The following MAP3K7CL variants were observed in gnomAD, a reference collection of about 807,000 sequenced individuals.
MAP3K7CL encodes the protein MAP3K7 C-terminal-like protein.
A neutral mutation model predicts 18.6 loss-of-function variants in MAP3K7CL; 16 were observed. The observed-to-expected ratio is 0.86, with a 90% CI of 0.58 to 1.31. The LOEUF is 1.31. Ranked by LOEUF, MAP3K7CL falls within the 50% of genes most tolerant of loss-of-function variation. MAP3K7CL has a pLI of 0.00. For missense variants in MAP3K7CL, 163 were observed against 174.4 expected, an observed-to-expected ratio of 0.93 and a Z score of 0.37; for synonymous variants, 65 against 66.8, an observed-to-expected ratio of 0.97 and a Z score of 0.13.
At chr21:29,168,009 A>G (rs1234668661) in intron 4 of MAP3K7CL, among the ~76,000 whole-genome samples, 5 of 152,054 alleles carry the variant, frequency 3.3e-5, no homozygotes, top group African/African-American at 9.7e-5. Context: ...AGAAGGACCA[A>G]TTTTATCCCT....
intron 3 of MAP3K7CL, among the ~76,000 whole-genome samples, chr21:29,157,896 G>A (rs1019713349): frequency 2.0e-5 from 3 of 152,086 alleles, no homozygotes; most frequent in South Asian, 2.1e-4. Flanking sequence ...CCCTTTACAC[G>A]GCTGCTCTCT....
At chr21:29,101,679 A>G (rs2086233100) in intron 4 of MAP3K7CL, among the ~76,000 whole-genome samples, 1 of 152,192 alleles carries the variant, frequency 6.6e-6, no homozygotes, top group Non-Finnish European at 1.5e-5. Flanking sequence ...AAGTGCTGGG[A>G]TTACAGGCTT....
intron 4 of MAP3K7CL, among the ~76,000 whole-genome samples, chr21:29,169,913 G>C (rs2087781971): frequency 6.6e-6 from 1 of 152,160 alleles, no homozygotes; most frequent in Non-Finnish European, 1.5e-5. Context: ...TTAGGCTATT[G>C]AATGGCGTCA....
At chr21:29,109,044 A>G in intron 4 of MAP3K7CL, 3 of 1,531,558 alleles carry the variant, frequency 2.0e-6, no homozygotes, top group Non-Finnish European at 2.6e-6. Context: ...TACTAGGTTG[A>G]CATTCGTAAC....
At chr21:29,084,811 T>C (rs1294352521), upstream of MAP3K7CL, among the ~76,000 whole-genome samples, 1 of 152,218 alleles carries the variant, frequency 6.6e-6, no homozygotes, top group East Asian at 1.9e-4. Context: ...TTCCCTGACA[T>C]CATCACACAG....
chr21:29,133,793 C>T lies in MAP3K7CL; in HGVS notation c.70+379C>T, dbSNP rs527586020. Reference sequence around the variant, plus strand: ...TAGGTAATATGAAAATATCACTGTTCCGTTTACAGCAACATTTGCTGAAGC... The same window carrying T: ...TAGGTAATATGAAAATATCACTGTTTCGTTTACAGCAACATTTGCTGAAGC... On this transcript the variant is annotated intron_variant, in intron 2 of 4. Transcript: ENST00000399928. Among the ~76,000 whole-genome samples the T allele has an allele frequency of 2.0e-5, 3 of 152,312 alleles. No homozygotes were observed. The South Asian group carries it at 6.2e-4, about 32-fold the overall frequency.
At chr21:29,078,748 C>T (rs955456123) in intron 1 of MAP3K7CL, among the ~76,000 whole-genome samples, 5 of 152,154 alleles carry the variant, frequency 3.3e-5, no homozygotes, top group African/African-American at 1.2e-4. Flanking sequence ...GTAAACCTCC[C>T]TCCCACTCTT....
Position 29,109,475 on chromosome 21 carries a change from T to G in MAP3K7CL, c.370+16894T>G, listed in dbSNP as rs2086382359. ...CAAAACCCCCATCTCAGCATTCGGT[T>G]GTTCTCTTTGTTAACAGTTGTTGGC... On this transcript the variant is annotated intron_variant, in intron 4 of 6. Coordinates refer to the MAP3K7CL transcript ENST00000286791. 3 of 1,144,240 alleles carry G rather than the reference T, an allele frequency of 2.6e-6. No homozygotes were observed. In the South Asian group the frequency reaches 9.9e-5, roughly 38 times the overall value. 70.9% of individuals were successfully genotyped at this position (1,144,240 alleles called of 1,614,324 possible).
intron 4 of MAP3K7CL, among the ~76,000 whole-genome samples, chr21:29,095,493 T>C (rs1270580875): frequency 6.6e-6 from 1 of 152,202 alleles, no homozygotes; most frequent in African/African-American, 2.4e-5. Context: ...CGCACTGTTG[T>C]AGAAGAGAAT....
At chr21:29,140,466 A>G (rs866344916) in intron 2 of MAP3K7CL, among the ~76,000 whole-genome samples, 11 of 152,222 alleles carry the variant, frequency 7.2e-5, no homozygotes, top group South Asian at 4.1e-4. Flanking sequence ...AAGTGGAAAT[A>G]AATGTTTGCT....
chr21:29,167,563 AG>A (rs1421903501), intron 4 of MAP3K7CL, among the ~76,000 whole-genome samples: 1 of 152,006 alleles, frequency 6.6e-6, no homozygotes, highest in Non-Finnish European at 1.5e-5. Context: ...TTTAACCAGA[AG>A]GATTTATTTC....
upstream of MAP3K7CL, among the ~76,000 whole-genome samples, chr21:29,126,612 C>A (rs1036864189): frequency 2.0e-5 from 3 of 152,140 alleles, no homozygotes; most frequent in East Asian, 5.8e-4. Context: ...GCACTCGCCA[C>A]CACGCCTGGC....
upstream of MAP3K7CL, among the ~76,000 whole-genome samples, chr21:29,083,364 C>A (rs1311924980): frequency 6.6e-6 from 1 of 152,138 alleles, no homozygotes; most frequent in Non-Finnish European, 1.5e-5. Context: ...AAGTTTTAGT[C>A]CTTTGGAGGA....
upstream of MAP3K7CL, among the ~76,000 whole-genome samples, chr21:29,084,007 A>G (rs904786313): frequency 2.7e-5 from 4 of 147,824 alleles, no homozygotes; most frequent in East Asian, 7.8e-4. Flanking sequence ...ATGTATATGT[A>G]TATATTTTAT....
intron 2 of MAP3K7CL, among the ~76,000 whole-genome samples, chr21:29,136,443 G>T (rs1405030692): frequency 6.6e-6 from 1 of 152,140 alleles, no homozygotes; most frequent in Non-Finnish European, 1.5e-5. Flanking sequence ...TGGATTTATT[G>T]TTGATGAATA....
chr21:29,135,685 G>A (rs528203458), intron 2 of MAP3K7CL, among the ~76,000 whole-genome samples: 1 of 152,282 alleles, frequency 6.6e-6, no homozygotes, highest in South Asian at 2.1e-4. Flanking sequence ...CCCTTGACTA[G>A]GAGCTCACAG....
intron 3 of MAP3K7CL, among the ~76,000 whole-genome samples, chr21:29,156,508 G>A (rs983441387): frequency 2.0e-4 from 30 of 152,068 alleles, no homozygotes; most frequent in African/African-American, 7.2e-4. Flanking sequence ...TCTAAGAATC[G>A]ATTTCCTCAG....
intron 4 of MAP3K7CL, among the ~76,000 whole-genome samples, chr21:29,170,568 A>G (rs1248805389): frequency 6.6e-6 from 1 of 152,174 alleles, no homozygotes; most frequent in African/African-American, 2.4e-5. Flanking sequence ...ATTTGAAGAG[A>G]AAAATAGAAC....
intron 2 of MAP3K7CL, among the ~76,000 whole-genome samples, chr21:29,142,330 G>A (rs2087027880): frequency 6.6e-6 from 1 of 152,174 alleles, no homozygotes; most frequent in Non-Finnish European, 1.5e-5. Context: ...GCCTCCTAAA[G>A]TGCTGGAATT....
Sources: gnomAD v4.1 joint callset for allele counts (sites outside exome capture counted in the v4.1 genomes callset) on GRCh38, gnomAD v4.1.1 for gene constraint, MANE v1.5 for transcripts, NCBI Gene and HGNC (gene_info 2026-07-23, HGNC 2026-07-21) for gene names.